IKZF1: variants seen among roughly 807,000 people sequenced by gnomAD.
The protein encoded by IKZF1 is IKAROS family zinc finger 1.
Under a neutral mutation model 51.7 loss-of-function variants are expected in IKZF1, and 10 were observed. The ratio of observed to expected loss-of-function variants is 0.19; its 90% confidence interval spans 0.12 to 0.33. The LOEUF is 0.33. Among genes scored for constraint, IKZF1 ranks in the 10% least tolerant of loss-of-function variants. The pLI is 1.00. For synonymous variants in IKZF1, 280 were observed against 282.3 expected, an observed-to-expected ratio of 0.99 and a Z score of 0.08; for missense variants, 484 against 707.5, an observed-to-expected ratio of 0.68 and a Z score of 3.58.
At chr7:50,346,921 A>G (rs1051016964) in intron 3 of IKZF1, among the ~76,000 whole-genome samples, 10 of 152,240 alleles carry the variant, frequency 6.6e-5, no homozygotes, top group African/African-American at 2.2e-4. Context: ...GCACATGTGC[A>G]CATATAAAAT....
intron 2 of IKZF1, among the ~76,000 whole-genome samples, chr7:50,324,123 G>A (rs543539396): frequency 6.6e-5 from 10 of 152,234 alleles, no homozygotes; most frequent in African/African-American, 2.4e-4. Flanking sequence ...CATTTTAAAT[G>A]GTTAACCAGG....
rs1200777590 is a variant in IKZF1 at position 50,401,422 on chromosome 7, G to A, written c.*795G>A. On this transcript the variant is annotated 3_prime_UTR_variant, in exon 8 of 8. Coordinates refer to ENST00000331340, the MANE Select transcript of IKZF1 (RefSeq NM_006060.6). ...AGACTGTCTTCCCGTGGGCATATCTGGGGAGCCCTGTTCCCCGCTTTTTCA... is the reference window on the plus strand; with the variant it reads ...AGACTGTCTTCCCGTGGGCATATCTAGGGAGCCCTGTTCCCCGCTTTTTCA... 1.3e-5 allele frequency: 3 copies of A among 226,208 alleles called. No homozygotes were observed. Among genetic ancestry groups the A allele is most frequent in the Non-Finnish European group, 8.8e-6 (1 of 113,596 alleles). The allele number at this position is 226,208 out of a possible 1,614,324, so 14.0% of individuals were successfully genotyped here.
chr7:50,394,264 C>G, intron 7 of IKZF1: 1 of 232,934 alleles, frequency 4.3e-6, no homozygotes, highest in Non-Finnish European at 8.5e-6. Flanking sequence ...CCTCTTCCTG[C>G]CCTAAAATAC....
chr7:50,394,226 G>C (rs370060030), intron 7 of IKZF1: 64 of 232,852 alleles, frequency 2.7e-4, no homozygotes, highest in African/African-American at 1.2e-3. Flanking sequence ...ATCTGTTGGT[G>C]CTTGGCAGTT....
rs950624942 is a variant in IKZF1 at position 50,400,868 on chromosome 7, G to A, written c.*241G>A. ...AGCATCCAGAACTGCTACCTTCCTA[G>A]ATGTTTCCCCAGACCGCTGGCTGAG... On this transcript the variant is annotated 3_prime_UTR_variant, in exon 8 of 8. Coordinates refer to ENST00000331340, the MANE Select transcript of IKZF1 (RefSeq NM_006060.6). This position sits in a 1 kb window ranked among gnomAD's most constrained non-coding sequence, Gnocchi z 5.4. 13 of 557,006 alleles carry A rather than the reference G, an allele frequency of 2.3e-5. No homozygotes were observed. The highest frequency in any genetic ancestry group is 4.1e-5 in the Non-Finnish European group (13 of 319,926). The allele number at this position is 557,006 out of a possible 1,614,324, so 34.5% of individuals were successfully genotyped here. A position where few individuals can be genotyped will look rare whatever the true frequency, so the allele number is the denominator to read the frequency against.
At chr7:50,394,295 C>T (rs1816058485) in intron 7 of IKZF1, 1 of 232,970 alleles carries the variant, frequency 4.3e-6, no homozygotes, top group East Asian at 6.0e-5. Context: ...CCCGCTTCAA[C>T]TTGATGAGAT....
At chr7:50,351,450 C>T (rs1001751316) in intron 3 of IKZF1, among the ~76,000 whole-genome samples, 9 of 152,166 alleles carry the variant, frequency 5.9e-5, no homozygotes, top group East Asian at 1.9e-4. Context: ...TCTACTTTCC[C>T]GGCAGCAGGA....
intron 1 of IKZF1, among the ~76,000 whole-genome samples, chr7:50,313,163 G>C (rs1790611295): frequency 6.6e-6 from 1 of 152,160 alleles, no homozygotes. Flanking sequence ...ACAGTGATAT[G>C]ATAGATTTGC....
At chr7:50,385,355 A>C (rs1249351891) in intron 5 of IKZF1, among the ~76,000 whole-genome samples, 5 of 152,240 alleles carry the variant, frequency 3.3e-5, no homozygotes, top group Non-Finnish European at 7.3e-5. Flanking sequence ...TGTCCCATGA[A>C]AAACCAGGAT....
chr7:50,305,133 T>C (rs1490298347), intron 1 of IKZF1, among the ~76,000 whole-genome samples: 1 of 152,190 alleles, frequency 6.6e-6, no homozygotes, highest in Admixed American at 6.5e-5. Context: ...CAGGCCGACA[T>C]GGGACACTTC....
intron 3 of IKZF1, chr7:50,368,192 AC>A (rs1807545134): frequency 1.4e-6 from 1 of 703,186 alleles, no homozygotes; most frequent in Non-Finnish European, 2.6e-6. Flanking sequence ...TATTCGTTAG[AC>A]ACCTACCATA....
At chr7:50,340,707 G>C (rs971857803) in intron 3 of IKZF1, among the ~76,000 whole-genome samples, 22 of 152,198 alleles carry the variant, frequency 1.4e-4, no homozygotes, top group African/African-American at 4.8e-4. Context: ...GAATCTGCCA[G>C]TGCCCCCCAA....
In IKZF1 at chr7:50,376,400, C is replaced by G. The variant is rs1810299722; in HGVS notation, c.161-133C>G. Reference sequence around the variant, plus strand: ...TGCACGGCGAGCTCAGGCTGCTCTCCCCTTGGTATTTGCTAAGAACTTCTG... The same window carrying G: ...TGCACGGCGAGCTCAGGCTGCTCTCGCCTTGGTATTTGCTAAGAACTTCTG... On this transcript the variant is annotated intron_variant, in intron 3 of 7. Transcript: ENST00000331340. This position sits in a 1 kb window ranked among gnomAD's most constrained non-coding sequence, Gnocchi z 4.5. The G allele has an allele frequency of 7.0e-7, 1 of 1,436,424 alleles. No individual in the cohort carries two copies. Among genetic ancestry groups the G allele is most frequent in the Non-Finnish European group, 9.3e-7 (1 of 1,069,632 alleles). 89.0% of individuals were successfully genotyped at this position (1,436,424 alleles called of 1,614,324 possible). A position where few individuals can be genotyped will look rare whatever the true frequency, so the allele number is the denominator to read the frequency against.
chr7:50,381,158 A>G (rs1811746886), intron 4 of IKZF1, among the ~76,000 whole-genome samples: 1 of 152,236 alleles, frequency 6.6e-6, no homozygotes, highest in South Asian at 2.1e-4. Flanking sequence ...AAGTGTCAAT[A>G]TAGACTTTTA....
At chr7:50,396,704 G>A (rs1396559473) in intron 7 of IKZF1, among the ~76,000 whole-genome samples, 1 of 152,108 alleles carries the variant, frequency 6.6e-6, no homozygotes, top group Non-Finnish European at 1.5e-5. Context: ...TTTCCTGTGA[G>A]AGCTATTGGG....
At chr7:50,346,111 A>G (rs1369699833) in intron 3 of IKZF1, among the ~76,000 whole-genome samples, 1 of 152,122 alleles carries the variant, frequency 6.6e-6, no homozygotes, top group African/African-American at 2.4e-5. Flanking sequence ...AGTGCAGACA[A>G]CTTCATCCCA....
intron 3 of IKZF1, among the ~76,000 whole-genome samples, chr7:50,352,362 T>A (rs1221119317): frequency 6.6e-6 from 1 of 152,222 alleles, no homozygotes; most frequent in Non-Finnish European, 1.5e-5. Context: ...AACCATTTAA[T>A]CATTTTTACA....
chr7:50,399,981 T>C lies in IKZF1; in HGVS notation c.914T>C (p.Met305Thr). 6.2e-7 allele frequency: 1 copy of C among 1,613,378 alleles called. No individual in the cohort carries two copies. Among genetic ancestry groups the C allele is most frequent in the Non-Finnish European group, 8.5e-7 (1 of 1,179,740 alleles). The change falls in exon 8 of 8, where the codon ATG (methionine) becomes ACG (threonine). Residue 305 changes from methionine (M) to threonine (T), a missense_variant. By Grantham distance (81) the Met-to-Thr change is moderately conservative (BLOSUM62 -1). This residue lies in a region of IKZF1 where 172 missense variants were observed against 192.7 expected (regional missense o/e 0.89). Transcript: ENST00000331340. The stretch of plus-strand genomic sequence containing the variant: ...GCCAGCTACGAGAAGGAGAACGAAA[T>C]GATGAAGTCCCACGTGATGGACCAA... ...SSASYEKENE[M>T]MKSHVMDQAI...
At chr7:50,332,392 A>T (rs1796611289) in intron 3 of IKZF1, among the ~76,000 whole-genome samples, 1 of 152,096 alleles carries the variant, frequency 6.6e-6, no homozygotes, top group Non-Finnish European at 1.5e-5. Flanking sequence ...AGCCACTAGG[A>T]TTCTATTGAC....
Sources: gnomAD v4.1 joint callset for allele counts (sites outside exome capture counted in the v4.1 genomes callset) on GRCh38, gnomAD v4.1.1 for gene constraint, gnomAD v4.1.1 regional missense constraint, Gnocchi (gnomAD v3.1) non-coding constraint, MANE v1.5 for transcripts, NCBI Gene and HGNC (gene_info 2026-07-23, HGNC 2026-07-21) for gene names.